DDX6: variants seen among roughly 807,000 people sequenced by gnomAD.
The protein encoded by DDX6 is DEAD-box helicase 6.
A neutral mutation model predicts 60.6 loss-of-function variants in DDX6; 7 were observed. The ratio of observed to expected loss-of-function variants is 0.12; its 90% CI spans 0.07 to 0.22. The LOEUF (loss-of-function observed/expected upper bound fraction) is 0.22. Ranked by LOEUF, DDX6 falls within the 10% of genes least tolerant of loss-of-function variation. The probability of loss-of-function intolerance (pLI) is 1.00; values close to 1 mark genes in which losing one functional copy is unlikely to be tolerated. For missense variants in DDX6, 270 were observed against 589.9 expected, an observed-to-expected ratio of 0.46 and a Z score of 5.62; for synonymous variants, 207 against 201.0, an observed-to-expected ratio of 1.03 and a Z score of -0.25.
Position 118,768,455 on chromosome 11 carries a change from T to G in DDX6, c.370-103A>C, listed in dbSNP as rs1040006170. The G allele has an allele frequency of 6.5e-6, 8 of 1,236,300 alleles. No homozygotes were observed. In the East Asian group the frequency reaches 1.7e-4, roughly 26 times the overall value. 76.6% of individuals were successfully genotyped at this position (1,236,300 alleles called of 1,614,324 possible). A position where few individuals can be genotyped will look rare whatever the true frequency, so the allele number is the denominator to read the frequency against. ...ATACCTCTTTCGGTATTGCTTTAAG[T>G]GTCCTAAGTATCCTACATTTGAATT... On this transcript the variant is annotated intron_variant, in intron 4 of 13. Coordinates refer to ENST00000534980, the MANE Select transcript of DDX6 (RefSeq NM_004397.6).
At position 118,781,988 on chromosome 11, in the gene DDX6, G is replaced by A. The variant is rs149961178; in HGVS notation, c.201-804C>T. 6.6e-3 allele frequency among the ~76,000 whole-genome samples: 999 copies of A among 151,872 alleles called. 15 individuals are homozygous for A. Among genetic ancestry groups the A allele is most frequent in the African/African-American group, 0.022 (912 of 41,402 alleles). On this transcript the variant is annotated intron_variant, in intron 2 of 13. Coordinates refer to ENST00000534980, the MANE Select transcript of DDX6 (RefSeq NM_004397.6). ...AACACTTTGGGAGGCCAAGGCAAGC[G>A]GATCACCTGAGGTCAGGAGTTCGAG...
At chr11:118,754,057 C>T (rs1012127731) in intron 13 of DDX6, among the ~76,000 whole-genome samples, 3 of 152,094 alleles carry the variant, frequency 2.0e-5, no homozygotes, top group African/African-American at 4.8e-5. Flanking sequence ...GTGATTGTGC[C>T]ACTGTACTCC....
intron 7 of DDX6, among the ~76,000 whole-genome samples, chr11:118,762,793 A>C (rs1861219156): frequency 6.6e-6 from 1 of 152,242 alleles, no homozygotes; most frequent in African/African-American, 2.4e-5. Context: ...TAAGTTTTTA[A>C]AAGGCATTTA....
chr11:118,785,540 T>G (rs949960723), intron 2 of DDX6, among the ~76,000 whole-genome samples: 2 of 151,642 alleles, frequency 1.3e-5, no homozygotes, highest in African/African-American at 2.4e-5. Context: ...AAAAGCTAAG[T>G]TCCATAAGCT....
intron 3 of DDX6, 52 bp from the exon 4 acceptor site, chr11:118,779,788 T>C: frequency 1.5e-6 from 2 of 1,316,796 alleles, no homozygotes; most frequent in South Asian, 1.3e-5. Flanking sequence ...GTTGGTAAAT[T>C]TGGTGTCCTT....
In DDX6 at chr11:118,786,045, C is replaced by T. The variant is rs374181055; in HGVS notation, c.200+7G>A. 5.0e-6 allele frequency: 8 copies of T among 1,610,260 alleles called. No individual in the cohort carries two copies. The highest frequency in any genetic ancestry group is 6.8e-6 in the Non-Finnish European group (8 of 1,177,610). On this transcript the variant is annotated splice_region_variant and intron_variant, in intron 2 of 13. Coordinates refer to ENST00000534980, the MANE Select transcript of DDX6 (RefSeq NM_004397.6). Reference sequence around the variant, plus strand: ...AGTGTTTATTAATAATTTACTCTAACACTTACTTAATAGTGGTGGTCATAC... The same window carrying T: ...AGTGTTTATTAATAATTTACTCTAATACTTACTTAATAGTGGTGGTCATAC...
rs1555157452 is a variant in DDX6 at position 118,751,848 on chromosome 11, ACAT to A, written c.*254_*256del. 2.3e-6 allele frequency: 1 copy of A among 427,320 alleles called. No homozygotes were observed. The highest frequency in any genetic ancestry group is 2.1e-5 in the African/African-American group (1 of 48,458). 26.5% of individuals were successfully genotyped at this position (427,320 alleles called of 1,614,324 possible). A position where few individuals can be genotyped will look rare whatever the true frequency, so the allele number is the denominator to read the frequency against. ...CTTCCTTGTCCCCTTTCCCCAGAAA[ACAT>A]TTTTTAAAAACCAGCAGTTAGTGCA... On this transcript the variant is annotated 3_prime_UTR_variant, in exon 14 of 14. Transcript: ENST00000534980.
chr11:118,778,739 G>C lies in DDX6; in HGVS notation c.369+893C>G, dbSNP rs552883861. On this transcript the variant is annotated intron_variant, in intron 4 of 13. Coordinates refer to ENST00000534980, the MANE Select transcript of DDX6 (RefSeq NM_004397.6). ...AATCAAAATTAACATCACCAAAGAG[G>C]AATAAATGGACACTAGGCACACCTT... is the stretch of plus-strand genomic sequence containing the variant. 1.8e-4 allele frequency among the ~76,000 whole-genome samples: 27 copies of C among 152,158 alleles called. 2 individuals are homozygous for C. The highest frequency in any genetic ancestry group is 6.3e-4 in the African/African-American group (26 of 41,528).
chr11:118,769,688 T>G (rs1861471633), intron 4 of DDX6, among the ~76,000 whole-genome samples: 1 of 37,064 alleles, frequency 2.7e-5, no homozygotes, highest in South Asian at 8.8e-4. Context: ...CGTTGAAAAA[T>G]TGTTAAAAGG....
Position 118,786,321 on chromosome 11 carries a change from G to C in DDX6, c.-70C>G. On this transcript the variant is annotated 5_prime_UTR_variant, in exon 2 of 14. Coordinates refer to ENST00000534980, the MANE Select transcript of DDX6 (RefSeq NM_004397.6). ...AGTCAGTAGAGAAACTGTAATAACA[G>C]TTTATTAGGCTCTCCAAAATGAAGA... is the stretch of plus-strand genomic sequence containing the variant. 7.4e-7 allele frequency: 1 copy of C among 1,343,076 alleles called. No individual in the cohort carries two copies. The highest frequency in any genetic ancestry group is 1.4e-5 in the South Asian group (1 of 72,972). The allele number at this position is 1,343,076 out of a possible 1,614,324, so 83.2% of individuals were successfully genotyped here.
intron 4 of DDX6, among the ~76,000 whole-genome samples, chr11:118,775,524 GAAAGAAAAAGGCAATAAAAAA>G (rs1249155183): frequency 6.6e-6 from 1 of 151,474 alleles, no homozygotes; most frequent in South Asian, 2.1e-4. Flanking sequence ...AAAACAATAG[GAAAGAAAAAGGCAATAAAAAA>G]AAAGAAAAAG....
chr11:118,778,215 T>A (rs188623604), intron 4 of DDX6, among the ~76,000 whole-genome samples: 2 of 151,964 alleles, frequency 1.3e-5, no homozygotes, highest in Non-Finnish European at 2.9e-5. Context: ...GTGCTAAAAC[T>A]AGGGGGGAAA....
intron 7 of DDX6, among the ~76,000 whole-genome samples, chr11:118,761,861 G>GAAAA (rs11296874): frequency 1.5e-5 from 2 of 134,020 alleles, no homozygotes; most frequent in Non-Finnish European, 3.2e-5. Context: ...AAATTAAATG[G>GAAAA]AAAAAAAAAA....
chr11:118,779,145 G>C (rs1861801298), intron 4 of DDX6, among the ~76,000 whole-genome samples: 1 of 92,394 alleles, frequency 1.1e-5, no homozygotes, highest in South Asian at 4.2e-4. Flanking sequence ...GACAGGGCAA[G>C]ACCCAGTTGC....
intron 4 of DDX6, among the ~76,000 whole-genome samples, chr11:118,773,115 G>A (rs564661247): frequency 2.0e-4 from 30 of 152,106 alleles, no homozygotes; most frequent in Non-Finnish European, 2.9e-4. Flanking sequence ...GGTTTCTGAT[G>A]CCTATAATTA....
chr11:118,759,781 AATTG>A lies in DDX6; in HGVS notation c.864+137_864+140del, dbSNP rs1417739772. ...GTTAATTTACGTAAAACAAATCTTTAATTGATCAACTGAAGAAAGAGCCAAAGGC... is the reference window on the plus strand; with the variant it reads ...GTTAATTTACGTAAAACAAATCTTTAATCAACTGAAGAAAGAGCCAAAGGC... On this transcript the variant is annotated intron_variant, in intron 8 of 13. Coordinates refer to ENST00000534980, the MANE Select transcript of DDX6 (RefSeq NM_004397.6). The A allele has an allele frequency of 1.5e-5, 13 of 877,040 alleles. No individual in the cohort carries two copies. In the African/African-American group the frequency reaches 2.1e-4, roughly 14 times the overall value. The allele number at this position is 877,040 out of a possible 1,614,324, so 54.3% of individuals were successfully genotyped here. A position where few individuals can be genotyped will look rare whatever the true frequency, so the allele number is the denominator to read the frequency against.
chr11:118,779,067 G>T (rs1861797786), intron 4 of DDX6, among the ~76,000 whole-genome samples: 2 of 148,416 alleles, frequency 1.3e-5, no homozygotes, highest in Non-Finnish European at 3.0e-5. Context: ...GACGCAGGAG[G>T]ATCACTTGAG....
Position 118,778,950 on chromosome 11 carries a change from A to C in DDX6, c.369+682T>G, listed in dbSNP as rs1861793493. 2.6e-5 allele frequency among the ~76,000 whole-genome samples: 4 copies of C among 152,174 alleles called. No homozygotes were observed. In the South Asian group the frequency reaches 8.3e-4, roughly 32 times the overall value. The stretch of plus-strand genomic sequence containing the variant: ...ATCCTAGCACTATGGCGAACCCAGG[A>C]GTTTTAATCAGCCTGGATAACATAG... On this transcript the variant is annotated intron_variant, in intron 4 of 13. Transcript: ENST00000534980.
rs111501014 is a variant in DDX6, at chr11:118,766,264, T to TAA, written c.500-911_500-910dup. Among the ~76,000 whole-genome samples, 6 of 142,944 alleles carry TAA rather than the reference T, an allele frequency of 4.2e-5. No individual in the cohort carries two copies. In the East Asian group the frequency reaches 1.0e-3, roughly 24 times the overall value. The allele number at this position is 142,944 out of a possible 152,430, so 93.8% of individuals were successfully genotyped here. A position where few individuals can be genotyped will look rare whatever the true frequency, so the allele number is the denominator to read the frequency against. On this transcript the variant is annotated intron_variant, in intron 5 of 13. Transcript: ENST00000534980. ...CAACATAGCAAGACCCCATCTCTAC[T>TAA]AAAAAAAAAAATGAAAAAAATTAGC...
Sources: allele counts gnomAD v4.1 joint callset (sites outside exome capture counted in the v4.1 genomes callset), GRCh38; gene constraint gnomAD v4.1.1; transcripts MANE v1.5; gene names NCBI Gene and HGNC (gene_info 2026-07-23, HGNC 2026-07-21).